Variants in TJP1 observed in about 807,000 individuals in gnomAD.
The protein encoded by TJP1 is tight junction protein ZO-1.
In TJP1, 43 loss-of-function variants were observed where a neutral mutation model predicts 194.2. That is an observed-to-expected ratio of 0.22 (90% confidence interval 0.17 to 0.29). TJP1 has a LOEUF of 0.29. TJP1 is among the 10% of genes least tolerant of loss of function. TJP1 has a pLI of 1.00. For synonymous variants in TJP1, 801 were observed against 779.0 expected (o/e 1.03, Z -0.47); for missense variants, 1,971 against 2,185.7 (o/e 0.90, Z 1.96).
At chr15:29,967,592 T>C (rs916168104) in intron 1 of TJP1, among the ~76,000 whole-genome samples, 16 of 152,212 alleles carry the variant, frequency 1.1e-4, no homozygotes, top group Admixed American at 6.5e-5. Flanking sequence ...TTCTGAACTT[T>C]GCTGTCCATA....
chr15:29,815,927 A>G (rs2049882069), intron 1 of TJP1, among the ~76,000 whole-genome samples: 1 of 152,168 alleles, frequency 6.6e-6, no homozygotes, highest in African/African-American at 2.4e-5. Context: ...TTTTCCTTCA[A>G]ATCAAACGGG....
chr15:29,940,207 A>G (rs2055021159), intron 2 of TJP1, among the ~76,000 whole-genome samples: 1 of 152,220 alleles, frequency 6.6e-6, no homozygotes, highest in Admixed American at 6.5e-5. Context: ...TCCACCTGCC[A>G]TAGGAAAGAA....
At chr15:29,841,267 T>C (rs2051215072) in intron 2 of TJP1, among the ~76,000 whole-genome samples, 1 of 152,162 alleles carries the variant, frequency 6.6e-6, no homozygotes, top group African/African-American at 2.4e-5. Context: ...TGCAGTTTAG[T>C]TGGGCTAGGC....
intron 8 of TJP1, among the ~76,000 whole-genome samples, chr15:29,753,238 C>G (rs1321325031): frequency 6.6e-6 from 1 of 151,922 alleles, no homozygotes; most frequent in Non-Finnish European, 1.5e-5. Context: ...AATCCCAGCA[C>G]TTTGGGAGGC....
At chr15:29,835,576 G>C (rs1451722126) in intron 2 of TJP1, among the ~76,000 whole-genome samples, 1 of 152,092 alleles carries the variant, frequency 6.6e-6, no homozygotes, top group East Asian at 1.9e-4. Flanking sequence ...CCTGACCCCA[G>C]GAGGTTGAGG....
At chr15:29,770,679 CAA>C (rs60161755) in intron 4 of TJP1, among the ~76,000 whole-genome samples, 111,801 of 141,744 alleles carry the variant, frequency 0.79, 43,925 homozygotes, top group East Asian at 0.87. Flanking sequence ...GACTCTGTCT[CAA>C]AAAAAAAAAA....
In TJP1 at chr15:29,822,075, C is replaced by G; in HGVS notation, c.-47G>C. 2 of 1,257,120 alleles carry G rather than the reference C, an allele frequency of 1.6e-6. No individual in the cohort carries two copies. Among genetic ancestry groups the G allele is most frequent in the Non-Finnish European group, 2.0e-6 (2 of 1,001,118 alleles). The allele number at this position is 1,257,120 out of a possible 1,614,324, so 77.9% of individuals were successfully genotyped here. A position where few individuals can be genotyped will look rare whatever the true frequency, so the allele number is the denominator to read the frequency against. On this transcript the variant is annotated 5_prime_UTR_variant, in exon 1 of 28. Coordinates refer to ENST00000614355, the MANE Select transcript of TJP1 (RefSeq NM_001330239.4). ...GCGAGGCTCCTCGGACCCGAAACTCCGCGGCGCTGGCCCGCCCGCTCCTCA... is the reference window on the plus strand; with the variant it reads ...GCGAGGCTCCTCGGACCCGAAACTCGGCGGCGCTGGCCCGCCCGCTCCTCA...
intron 8 of TJP1, among the ~76,000 whole-genome samples, chr15:29,747,228 T>C (rs1172421451): frequency 2.0e-5 from 3 of 152,216 alleles, no homozygotes; most frequent in East Asian, 3.9e-4. Context: ...GAGGTTGCAG[T>C]GAGCCGATAT....
chr15:29,958,291 G>GT (rs34187703), intron 1 of TJP1, among the ~76,000 whole-genome samples: 1,429 of 140,988 alleles, frequency 0.01, 13 homozygotes, highest in African/African-American at 0.029. Context: ...TCTCTTTTTA[G>GT]TTTTTTTTTT....
rs2041861162 is a variant in TJP1 at position 29,705,792 on chromosome 15, GGTGCTTTGCTTTTACTACTACTGTATTAC to G, written c.4851-76_4851-48del. On this transcript the variant is annotated intron_variant, in intron 25 of 27. Coordinates refer to ENST00000614355, the MANE Select transcript of TJP1 (RefSeq NM_001330239.4). ...GTGAGTGAATTCCTAATAATACACA[GGTGCTTTGCTTTTACTACTACTGTATTAC>G]GTGCTTTCACTTTTATTTCTCCATA... 9.0e-6 allele frequency: 14 copies of G among 1,556,460 alleles called. No homozygotes were observed. The East Asian group carries it at 3.1e-4, about 35-fold the overall frequency.
chr15:29,719,093 G>A lies in TJP1; in HGVS notation c.3049C>T (p.His1017Tyr). ...CTAACGGCTGGCTGTTTCAAAACAT[G>A]GTTCTGCCTCATCATTTCCTCGGGA... Reference protein sequence around the residue: ...PYPEEMMRQNHVLKQPAVSHP... With the variant: ...PYPEEMMRQNYVLKQPAVSHP... Residue 1017 changes from histidine (H) to tyrosine (Y), a missense_variant, in exon 21 of 28, where the codon CAT becomes TAT. Around this residue, in one of 5 missense-constraint regions of TJP1, gnomAD observed 1,108 missense variants for 1,128.5 expected, o/e 0.98. Transcript: ENST00000614355. 6.2e-7 allele frequency: 1 copy of A among 1,613,872 alleles called. No homozygotes were observed. Among genetic ancestry groups the A allele is most frequent in the Non-Finnish European group, 8.5e-7 (1 of 1,179,960 alleles).
intron 1 of TJP1, among the ~76,000 whole-genome samples, chr15:29,963,504 T>C (rs1402408637): frequency 1.3e-5 from 2 of 152,242 alleles, no homozygotes; most frequent in Non-Finnish European, 2.9e-5. Flanking sequence ...CAACTCTTAT[T>C]GTTTTTGGAA....
intron 8 of TJP1, among the ~76,000 whole-genome samples, chr15:29,748,826 G>A (rs1488996986): frequency 3.3e-5 from 5 of 151,690 alleles, no homozygotes; most frequent in African/African-American, 4.8e-5. Context: ...CTCCTACTTC[G>A]GCTTCCAAAA....
chr15:29,736,163 C>T (rs2044021649), intron 11 of TJP1, among the ~76,000 whole-genome samples: 1 of 152,186 alleles, frequency 6.6e-6, no homozygotes, highest in Non-Finnish European at 1.5e-5. Flanking sequence ...ATGACATTAA[C>T]TCAGCAATGG....
At chr15:29,887,072 C>T (rs978798866) in intron 2 of TJP1, among the ~76,000 whole-genome samples, 1 of 151,720 alleles carries the variant, frequency 6.6e-6, no homozygotes, top group African/African-American at 2.4e-5. Context: ...AAGAAACACC[C>T]ATCCATATTC....
chr15:29,782,406 C>G (rs1015700048), intron 2 of TJP1, among the ~76,000 whole-genome samples: 3 of 152,182 alleles, frequency 2.0e-5, no homozygotes, highest in African/African-American at 7.2e-5. Context: ...ATACGACCAT[C>G]TGATCTTCGA....
intron 2 of TJP1, among the ~76,000 whole-genome samples, chr15:29,907,080 G>A (rs2152213307): frequency 6.6e-6 from 1 of 152,226 alleles, no homozygotes; most frequent in Admixed American, 6.5e-5. Flanking sequence ...TGCTACTTGT[G>A]TGTAGGTTTG....
Position 29,720,494 on chromosome 15 carries a change from C to T in TJP1, c.2627G>A (p.Arg876Gln), listed in dbSNP as rs764417442. Residue 876 changes from arginine to glutamine, a missense_variant, in exon 19 of 28, where the codon CGG (arginine) becomes CAG (glutamine). Around this residue, in one of 5 missense-constraint regions of TJP1, gnomAD observed 1,108 missense variants for 1,128.5 expected, o/e 0.98. Transcript: ENST00000614355. ...GTCCTCTCTTACAGGCTCAGAGGAC[C>T]GTGTAATGGCAGACTCCGGTGGAGT... Reference protein sequence around the residue: ...VGTPPESAITRSSEPVREDSS... With the variant: ...VGTPPESAITQSSEPVREDSS... The T allele has an allele frequency of 3.1e-6, 5 of 1,613,886 alleles. No individual in the cohort carries two copies. The highest frequency in any genetic ancestry group is 2.7e-5 in the African/African-American group (2 of 74,870).
At chr15:29,810,772 A>G (rs1167359718) in intron 1 of TJP1, among the ~76,000 whole-genome samples, 1 of 152,202 alleles carries the variant, frequency 6.6e-6, no homozygotes, top group Non-Finnish European at 1.5e-5. Context: ...TATGAGGTGC[A>G]TGAAAGATGG....
Sources: allele counts gnomAD v4.1 joint callset (sites outside exome capture counted in the v4.1 genomes callset), GRCh38; gene constraint gnomAD v4.1.1; regional missense constraint gnomAD v4.1.1; transcripts MANE v1.5; gene names NCBI Gene and HGNC (gene_info 2026-07-23, HGNC 2026-07-21).